SLC35F1: variants seen among roughly 807,000 people sequenced by gnomAD.
SLC35F1 encodes the protein solute carrier family 35 member F1, also known as chromosome 6 open reading frame 169.
Under a neutral mutation model 48.7 loss-of-function variants are expected in SLC35F1, and 14 were observed. The ratio of observed to expected loss-of-function variants is 0.29; its 90% CI spans 0.19 to 0.45. The LOEUF is 0.45. SLC35F1 is among the 20% of genes least tolerant of loss of function. The probability of loss-of-function intolerance (pLI) is 1.00; values close to 1 mark genes in which losing one functional copy is unlikely to be tolerated. For missense variants in SLC35F1, 404 were observed against 500.0 expected, an observed-to-expected ratio of 0.81 and a Z score of 1.83; for synonymous variants, 190 against 202.2, an observed-to-expected ratio of 0.94 and a Z score of 0.51.
intron 2 of SLC35F1, among the ~76,000 whole-genome samples, chr6:118,218,802 G>A (rs1413020557): frequency 6.6e-6 from 1 of 152,102 alleles, no homozygotes; most frequent in Non-Finnish European, 1.5e-5. Context: ...AAATGTATTG[G>A]TAAACTATTA....
At chr6:118,254,277 A>G (rs1775615542) in intron 3 of SLC35F1, among the ~76,000 whole-genome samples, 1 of 152,164 alleles carries the variant, frequency 6.6e-6, no homozygotes. Context: ...AGTGACTAGT[A>G]TAAGGTAGTA....
At chr6:118,134,830 C>T (rs1773770052) in intron 1 of SLC35F1, among the ~76,000 whole-genome samples, 1 of 152,212 alleles carries the variant, frequency 6.6e-6, no homozygotes, top group South Asian at 2.1e-4. Flanking sequence ...CTCCACAAAG[C>T]AGCAGAAATG....
chr6:118,032,353 A>C (rs1772066702), intron 1 of SLC35F1, among the ~76,000 whole-genome samples: 1 of 152,094 alleles, frequency 6.6e-6, no homozygotes, highest in Admixed American at 6.5e-5. Flanking sequence ...AATTTTTATT[A>C]ATTTAGTTAG....
chr6:118,154,721 T>A, intron 2 of SLC35F1, 101 bp downstream of exon 2: 1 of 1,178,376 alleles, frequency 8.5e-7, no homozygotes, highest in Non-Finnish European at 1.2e-6. Flanking sequence ...TCAGTTAAGA[T>A]CATTGAAAAC....
intron 1 of SLC35F1, among the ~76,000 whole-genome samples, chr6:117,968,902 C>T (rs1776604482): frequency 6.6e-6 from 1 of 152,182 alleles, no homozygotes; most frequent in African/African-American, 2.4e-5. Flanking sequence ...GCATTGGAGT[C>T]TACTTGTCTA....
intron 1 of SLC35F1, among the ~76,000 whole-genome samples, chr6:118,141,525 G>T (rs1013361242): frequency 6.6e-6 from 1 of 152,222 alleles, no homozygotes; most frequent in Non-Finnish European, 1.5e-5. Context: ...GTGGATGGAA[G>T]TCCAAGATCA....
At chr6:118,305,710 A>G (rs1032398599) in intron 7 of SLC35F1, among the ~76,000 whole-genome samples, 3 of 152,192 alleles carry the variant, frequency 2.0e-5, no homozygotes, top group Non-Finnish European at 2.9e-5. Flanking sequence ...TGTGTTATAT[A>G]ATAAAGAGAC....
Position 118,175,940 on chromosome 6 carries a change from G to GA in SLC35F1, c.349+21329dup, listed in dbSNP as rs201589723. On this transcript the variant is annotated intron_variant, in intron 2 of 7. Coordinates refer to ENST00000360388, the MANE Select transcript of SLC35F1 (RefSeq NM_001029858.4). ...TATAGTGAGACCAATTAGCGAGAGG[G>GA]AAAAAAAAAGTTGGTGGAGATCCTT... Among the ~76,000 whole-genome samples the GA allele has an allele frequency of 7.9e-5, 12 of 151,192 alleles. No individual in the cohort carries two copies. The South Asian group carries it at 1.1e-3, about 13-fold the overall frequency.
intron 1 of SLC35F1, among the ~76,000 whole-genome samples, chr6:118,020,857 C>T (rs1024554272): frequency 1.3e-5 from 2 of 152,010 alleles, no homozygotes; most frequent in African/African-American, 4.8e-5. Context: ...TATGACTGAG[C>T]ACTTTGTAGT....
intron 2 of SLC35F1, among the ~76,000 whole-genome samples, chr6:118,212,350 C>G (rs1433103414): frequency 6.6e-6 from 1 of 152,194 alleles, no homozygotes; most frequent in Non-Finnish European, 1.5e-5. Context: ...ATTACAGCTA[C>G]TACAGCTGGT....
At chr6:118,193,174 G>A (rs1774755404) in intron 2 of SLC35F1, among the ~76,000 whole-genome samples, 2 of 152,028 alleles carry the variant, frequency 1.3e-5, no homozygotes, top group South Asian at 2.1e-4. Context: ...CCTTGCATTA[G>A]TGTACTATTA....
At chr6:118,275,681 G>A in intron 5 of SLC35F1, 66 bp downstream of exon 5, 2 of 1,505,822 alleles carry the variant, frequency 1.3e-6, no homozygotes, top group South Asian at 1.3e-5. Flanking sequence ...TACAATTTTT[G>A]TTCTTGGGAT....
intron 1 of SLC35F1, among the ~76,000 whole-genome samples, chr6:118,015,299 A>G (rs973264815): frequency 2.0e-5 from 3 of 151,940 alleles, no homozygotes; most frequent in African/African-American, 4.8e-5. Flanking sequence ...TTGTTTTTTA[A>G]CTTTTATTTT....
intron 1 of SLC35F1, among the ~76,000 whole-genome samples, chr6:118,033,949 C>T (rs997292719): frequency 1.3e-5 from 2 of 152,232 alleles, no homozygotes; most frequent in East Asian, 3.9e-4. Context: ...GACTCTCTTA[C>T]GTATTTATTG....
At chr6:118,289,517 G>A (rs1776092078) in intron 7 of SLC35F1, among the ~76,000 whole-genome samples, 1 of 152,042 alleles carries the variant, frequency 6.6e-6, no homozygotes, top group Admixed American at 6.6e-5. Context: ...TTGTACATTG[G>A]TACCATTTTA....
chr6:117,917,508 G>A (rs1343461256), intron 1 of SLC35F1, among the ~76,000 whole-genome samples: 1 of 151,914 alleles, frequency 6.6e-6, no homozygotes, highest in African/African-American at 2.4e-5. Context: ...TGCACTGGGA[G>A]GTGGAGTACA....
intron 4 of SLC35F1, among the ~76,000 whole-genome samples, chr6:118,267,490 C>T (rs1275246387): frequency 1.3e-5 from 2 of 152,140 alleles, no homozygotes; most frequent in Non-Finnish European, 2.9e-5. Flanking sequence ...TGGCCCAAGC[C>T]CTGGTCCTTG....
intron 1 of SLC35F1, among the ~76,000 whole-genome samples, chr6:117,981,096 T>C (rs1776770711): frequency 6.6e-6 from 1 of 152,220 alleles, no homozygotes; most frequent in Non-Finnish European, 1.5e-5. Context: ...GGAGATTCCC[T>C]GTTTCCATGT....
At chr6:118,168,536 T>A (rs763024687) in intron 2 of SLC35F1, among the ~76,000 whole-genome samples, 1 of 152,208 alleles carries the variant, frequency 6.6e-6, no homozygotes, top group African/African-American at 2.4e-5. Flanking sequence ...CTGTACTCAC[T>A]TATTTTCAGA....
Sources: allele counts gnomAD v4.1 joint callset (sites outside exome capture counted in the v4.1 genomes callset), GRCh38; gene constraint gnomAD v4.1.1; transcripts MANE v1.5; gene names NCBI Gene and HGNC (gene_info 2026-07-23, HGNC 2026-07-21).